Variants in GSK3B observed in about 807,000 individuals in gnomAD.
The protein encoded by GSK3B is glycogen synthase kinase 3 beta.
Under a neutral mutation model 56.4 loss-of-function variants are expected in GSK3B, and 15 were observed. The observed-to-expected ratio is 0.27, with a 90% CI of 0.18 to 0.41. The LOEUF (loss-of-function observed/expected upper bound fraction) is 0.41, where lower values mean the gene tolerates loss of function less well. GSK3B is among the 10% of genes least tolerant of loss of function. The pLI is 1.00. For missense variants in GSK3B, 300 were observed against 513.4 expected, an observed-to-expected ratio of 0.58 and a Z score of 4.02; for synonymous variants, 181 against 188.9, an observed-to-expected ratio of 0.96 and a Z score of 0.34.
intron 3 of GSK3B, among the ~76,000 whole-genome samples, chr3:119,937,920 C>T (rs1466936574): frequency 6.6e-6 from 1 of 150,616 alleles, no homozygotes; most frequent in Non-Finnish European, 1.5e-5. Flanking sequence ...GAATTAAAAT[C>T]AGAAATGAAA....
intron 1 of GSK3B, among the ~76,000 whole-genome samples, chr3:120,033,909 T>C (rs576748303): frequency 6.6e-6 from 1 of 152,328 alleles, no homozygotes; most frequent in Admixed American, 6.5e-5. Flanking sequence ...TTTGGAACTG[T>C]GAGTCAATTA....
chr3:119,896,551 C>T (rs1424687362), intron 7 of GSK3B, among the ~76,000 whole-genome samples: 1 of 125,862 alleles, frequency 7.9e-6, no homozygotes, highest in Non-Finnish European at 1.9e-5. Flanking sequence ...TCTTATACAT[C>T]AAATAAACAA....
At chr3:120,038,244 T>A (rs555089369) in intron 1 of GSK3B, among the ~76,000 whole-genome samples, 121 of 152,292 alleles carry the variant, frequency 7.9e-4, no homozygotes, top group Middle Eastern at 3.4e-3. Context: ...CTTCTTCAAT[T>A]TTAGTTATCA....
chr3:119,916,274 T>C (rs1412091753), intron 4 of GSK3B, 100 bp from the exon 5 acceptor site: 1 of 939,384 alleles, frequency 1.1e-6, no homozygotes, highest in Non-Finnish European at 1.6e-6. Context: ...AAAGAACAGG[T>C]GAAATGCTAT....
In GSK3B at chr3:119,957,796, T is replaced by A. The variant is rs949395964; in HGVS notation, c.283-10445A>T. Among the ~76,000 whole-genome samples, 10 of 152,308 alleles carry A rather than the reference T, an allele frequency of 6.6e-5. No homozygotes were observed. In the East Asian group the frequency reaches 1.9e-3, roughly 29 times the overall value. On this transcript the variant is annotated intron_variant, in intron 2 of 10. Coordinates refer to ENST00000264235, the MANE Select transcript of GSK3B (RefSeq NM_001146156.2). ...CAGCACAGGCAAGATTTAAACCAGGTGTGTCAGATTCCATGCTCTATCACA... is the reference window on the plus strand; with the variant it reads ...CAGCACAGGCAAGATTTAAACCAGGAGTGTCAGATTCCATGCTCTATCACA...
rs2107986572 is a variant in GSK3B at position 119,822,645 on chromosome 3, T to A, written c.*4143A>T. On this transcript the variant is annotated 3_prime_UTR_variant, in exon 11 of 11. Coordinates refer to ENST00000264235, the MANE Select transcript of GSK3B (RefSeq NM_001146156.2). ...ATCTCAGTCTGGGACTCTACTGTGCTTCTAGTTGTCTCTTTTATTTTCAGT... is the reference window on the plus strand; with the variant it reads ...ATCTCAGTCTGGGACTCTACTGTGCATCTAGTTGTCTCTTTTATTTTCAGT... 4.4e-6 allele frequency: 1 copy of A among 228,526 alleles called. No individual in the cohort carries two copies. Among genetic ancestry groups the A allele is most frequent in the Middle Eastern group, 1.4e-3 (1 of 740 alleles). The allele number at this position is 228,526 out of a possible 1,614,324, so 14.2% of individuals were successfully genotyped here.
chr3:119,844,055 ACCTGCT>A (rs2055818925), intron 9 of GSK3B, among the ~76,000 whole-genome samples: 1 of 152,168 alleles, frequency 6.6e-6, no homozygotes, highest in Non-Finnish European at 1.5e-5. Context: ...AAACTAAACA[ACCTGCT>A]CCTGAATGAC....
chr3:120,029,427 G>A (rs888814416), intron 1 of GSK3B: 30 of 730,194 alleles, frequency 4.1e-5, no homozygotes, highest in Middle Eastern at 3.4e-4. Context: ...ATGTTTTGTG[G>A]AGCTTCGCCT....
chr3:119,914,214 A>C (rs1270215067), intron 5 of GSK3B, among the ~76,000 whole-genome samples: 1 of 152,066 alleles, frequency 6.6e-6, no homozygotes, highest in Admixed American at 6.6e-5. Context: ...CTAGTAAAAA[A>C]ATAAGAAGAA....
intron 6 of GSK3B, among the ~76,000 whole-genome samples, chr3:119,911,632 T>C (rs78264027): frequency 0.1 from 15,870 of 152,288 alleles, 937 homozygotes; most frequent in African/African-American, 0.16. Context: ...AAAACTCTGA[T>C]GTTTAATGTA....
intron 8 of GSK3B, among the ~76,000 whole-genome samples, chr3:119,872,870 T>C (rs567732543): frequency 1.2e-4 from 18 of 152,308 alleles, no homozygotes; most frequent in East Asian, 3.9e-4. Flanking sequence ...CTGTATATAA[T>C]AGCCCATCAT....
Position 119,930,126 on chromosome 3 carries a change from T to C in GSK3B, c.367-6643A>G, listed in dbSNP as rs369429759. On this transcript the variant is annotated intron_variant, in intron 3 of 10. Transcript: ENST00000264235. ...ACACACACACACACACACACACACG[T>C]GCGCATGCACACACACATTTATTTA... Among the ~76,000 whole-genome samples the C allele has an allele frequency of 8.7e-3, 973 of 112,214 alleles. 11 individuals are homozygous for C. The highest frequency in any genetic ancestry group is 0.028 in the African/African-American group (808 of 28,872). The allele number at this position is 112,214 out of a possible 152,430, so 73.6% of individuals were successfully genotyped here.
At chr3:119,981,937 C>T (rs928643586) in intron 2 of GSK3B, among the ~76,000 whole-genome samples, 1 of 152,226 alleles carries the variant, frequency 6.6e-6, no homozygotes, top group South Asian at 2.1e-4. Flanking sequence ...AGATACCTCC[C>T]AGTAGGGGCC....
intron 1 of GSK3B, among the ~76,000 whole-genome samples, chr3:120,037,452 T>C (rs1559886245): frequency 6.6e-6 from 1 of 152,186 alleles, no homozygotes; most frequent in Admixed American, 6.5e-5. Flanking sequence ...CCCGAAGAAC[T>C]TGTATTCTTA....
chr3:119,897,566 CTGTT>C (rs2056581328), intron 7 of GSK3B, among the ~76,000 whole-genome samples: 1 of 151,766 alleles, frequency 6.6e-6, no homozygotes, highest in Non-Finnish European at 1.5e-5. Context: ...TGCATACAAA[CTGTT>C]TGGTATTTAT....
rs572715413 is a variant in GSK3B at position 120,024,548 on chromosome 3, T to C, written c.89-22309A>G. ...ATATCTCTCTTCTCTGAAAACCTCC[T>C]TCCCCTCCCACTGGGTAAAGTGCCT... On this transcript the variant is annotated intron_variant, in intron 1 of 10. Transcript: ENST00000264235. 2.0e-5 allele frequency among the ~76,000 whole-genome samples: 3 copies of C among 152,322 alleles called. No homozygotes were observed. The South Asian group carries it at 6.2e-4, about 32-fold the overall frequency.
At chr3:120,028,829 TG>T in intron 1 of GSK3B, 1 of 444,280 alleles carries the variant, frequency 2.3e-6, no homozygotes, top group Admixed American at 2.9e-5. Flanking sequence ...AGGAACTCAC[TG>T]AGGCCCTAGC....
intron 10 of GSK3B, among the ~76,000 whole-genome samples, chr3:119,834,413 C>T (rs1231771321): frequency 6.6e-6 from 1 of 152,118 alleles, no homozygotes; most frequent in South Asian, 2.1e-4. Flanking sequence ...CTAAGGTAGC[C>T]TTCAGTGATT....
At chr3:120,030,654 C>T (rs901103433) in intron 1 of GSK3B, among the ~76,000 whole-genome samples, 3 of 152,202 alleles carry the variant, frequency 2.0e-5, no homozygotes, top group African/African-American at 4.8e-5. Context: ...ACCCCCATCC[C>T]TAATCCCTTC....
Sources: gnomAD v4.1 joint callset for allele counts (sites outside exome capture counted in the v4.1 genomes callset) on GRCh38, gnomAD v4.1.1 for gene constraint, MANE v1.5 for transcripts, NCBI Gene and HGNC (gene_info 2026-07-23, HGNC 2026-07-21) for gene names.